Variants in CCNY observed in about 807,000 individuals in gnomAD.
CCNY encodes cyclin Y.
A neutral mutation model predicts 42.8 loss-of-function variants in CCNY; 19 were observed. The ratio of observed to expected loss-of-function variants is 0.44; its 90% confidence interval spans 0.31 to 0.65. The LOEUF (loss-of-function observed/expected upper bound fraction) is 0.65, where lower values mean the gene tolerates loss of function less well. CCNY is among the 30% of genes least tolerant of loss of function. The pLI, the probability that CCNY is intolerant of heterozygous loss-of-function variation, is 0.07. For missense variants in CCNY, 370 were observed against 437.3 expected, an observed-to-expected ratio of 0.85 and a Z score of 1.37; for synonymous variants, 165 against 162.7, an observed-to-expected ratio of 1.01 and a Z score of -0.11.
chr10:35,425,674 T>C (rs1225005086), intron 1 of CCNY, among the ~76,000 whole-genome samples: 1 of 152,166 alleles, frequency 6.6e-6, no homozygotes, highest in African/African-American at 2.4e-5. Context: ...AAATGAATGA[T>C]TTAATCTGGA....
At chr10:35,397,652 CA>C (rs1296648783) in intron 1 of CCNY, among the ~76,000 whole-genome samples, 1 of 152,128 alleles carries the variant, frequency 6.6e-6, no homozygotes, top group Admixed American at 6.5e-5. Flanking sequence ...TCCCTGGGAC[CA>C]AAGACTGAGA....
chr10:35,377,423 G>A (rs2135186127), intron 1 of CCNY, among the ~76,000 whole-genome samples: 1 of 152,230 alleles, frequency 6.6e-6, no homozygotes, highest in South Asian at 2.1e-4. Flanking sequence ...TAATATTCAG[G>A]GCATTAACAT....
intron 1 of CCNY, among the ~76,000 whole-genome samples, chr10:35,354,575 T>C (rs552575508): frequency 3.8e-4 from 58 of 152,312 alleles, no homozygotes; most frequent in African/African-American, 1.3e-3. Context: ...GGGACAGTAT[T>C]ATATTAATAC....
At chr10:35,405,423 G>T (rs11010192) in intron 1 of CCNY, among the ~76,000 whole-genome samples, 1 of 151,870 alleles carries the variant, frequency 6.6e-6, no homozygotes, top group Non-Finnish European at 1.5e-5. Context: ...AAAGGTGGCA[G>T]TGAGGTACAG....
chr10:35,411,801 G>A (rs1037483037), intron 1 of CCNY, among the ~76,000 whole-genome samples: 5 of 152,196 alleles, frequency 3.3e-5, no homozygotes, highest in African/African-American at 1.2e-4. Flanking sequence ...TGCAGTTCTA[G>A]CACCACATTT....
At chr10:35,374,035 T>A (rs190521858) in intron 1 of CCNY, among the ~76,000 whole-genome samples, 70 of 152,342 alleles carry the variant, frequency 4.6e-4, no homozygotes, top group African/African-American at 1.5e-3. Context: ...AAATGACACA[T>A]AATAAGGTGT....
intron 3 of CCNY, among the ~76,000 whole-genome samples, chr10:35,277,675 A>G (rs889353860): frequency 5.9e-5 from 9 of 152,110 alleles, no homozygotes; most frequent in Non-Finnish European, 1.2e-4. Flanking sequence ...CTCAGTCTCT[A>G]GCACCAGAGA....
intron 1 of CCNY, among the ~76,000 whole-genome samples, chr10:35,470,104 G>GGGAGAT (rs1478636057): frequency 6.6e-6 from 1 of 151,196 alleles, no homozygotes; most frequent in Non-Finnish European, 1.5e-5. Flanking sequence ...TGGAGAGACA[G>GGGAGAT]GGAGATGGAG....
intron 4 of CCNY, among the ~76,000 whole-genome samples, chr10:35,522,894 A>G (rs1754945590): frequency 6.6e-6 from 1 of 152,210 alleles, no homozygotes; most frequent in South Asian, 2.1e-4. Context: ...TGAGGCCCCC[A>G]GTGGACCCTT....
At chr10:35,481,644 C>T (rs1839672012) in intron 1 of CCNY, among the ~76,000 whole-genome samples, 1 of 152,192 alleles carries the variant, frequency 6.6e-6, no homozygotes, top group African/African-American at 2.4e-5. Context: ...GTGGGAACTG[C>T]ATGCATGATG....
intron 4 of CCNY, among the ~76,000 whole-genome samples, chr10:35,520,842 C>T (rs1840532193): frequency 6.6e-6 from 1 of 152,182 alleles, no homozygotes; most frequent in Non-Finnish European, 1.5e-5. Flanking sequence ...ACACTTTGTG[C>T]CTCTGCAGCC....
At position 35,353,468 on chromosome 10, in the gene CCNY, A is replaced by G. The variant is rs549870867; in HGVS notation, c.154+16261A>G. The stretch of plus-strand genomic sequence containing the variant: ...TTTAGAACTGTAAAAGGAATAAGCT[A>G]TTTTTGTTGAGTATGAGAAGAAGAT... On this transcript the variant is annotated intron_variant, in intron 1 of 9. Coordinates refer to ENST00000374704, the MANE Select transcript of CCNY (RefSeq NM_145012.6). 2.6e-5 allele frequency among the ~76,000 whole-genome samples: 4 copies of G among 152,328 alleles called. No homozygotes were observed. The South Asian group carries it at 8.3e-4, about 32-fold the overall frequency.
At chr10:35,397,312 C>T (rs1484281435) in intron 1 of CCNY, among the ~76,000 whole-genome samples, 1 of 152,216 alleles carries the variant, frequency 6.6e-6, no homozygotes, top group Admixed American at 6.5e-5. Context: ...ATATTTAGCA[C>T]AGTACCTGTA....
At chr10:35,498,690 G>GT (rs1262279890) in intron 2 of CCNY, among the ~76,000 whole-genome samples, 1 of 152,160 alleles carries the variant, frequency 6.6e-6, no homozygotes, top group East Asian at 1.9e-4. Flanking sequence ...CAGGTTGTTG[G>GT]TTTGGGGGCG....
chr10:35,514,827 C>T (rs1286770593), intron 3 of CCNY, among the ~76,000 whole-genome samples: 1 of 152,094 alleles, frequency 6.6e-6, no homozygotes, highest in Non-Finnish European at 1.5e-5. Flanking sequence ...TAATTACTGA[C>T]TTTTAATGTT....
At chr10:35,292,945 A>G (rs1304179569) in intron 3 of CCNY, among the ~76,000 whole-genome samples, 3 of 151,306 alleles carry the variant, frequency 2.0e-5, no homozygotes, top group Admixed American at 6.6e-5. Context: ...ACGCCTAGCT[A>G]ATTTTTGTAT....
Position 35,508,976 on chromosome 10 carries a change from G to A in CCNY, c.264+7441G>A, listed in dbSNP as rs1018297519. ...TCTATTTTGGATATTTTATATAAAT[G>A]TAATCATATAATACATGGCCTTTTG... is the stretch of plus-strand genomic sequence containing the variant. On this transcript the variant is annotated intron_variant, in intron 3 of 9. Transcript: ENST00000374704. Among the ~76,000 whole-genome samples the A allele has an allele frequency of 5.3e-5, 8 of 152,238 alleles. No individual in the cohort carries two copies. The East Asian group carries it at 1.2e-3, about 22-fold the overall frequency.
chr10:35,560,279 G>A (rs187108122), intron 8 of CCNY, among the ~76,000 whole-genome samples: 2 of 152,274 alleles, frequency 1.3e-5, no homozygotes, highest in African/African-American at 4.8e-5. Flanking sequence ...GCAGTGTTGC[G>A]GGGCTGAACT....
chr10:35,560,623 C>T (rs967618183), intron 8 of CCNY, among the ~76,000 whole-genome samples: 9 of 152,194 alleles, frequency 5.9e-5, no homozygotes, highest in African/African-American at 2.2e-4. Flanking sequence ...ATTACAGCAG[C>T]TCTTGCAAAC....
Sources: allele counts gnomAD v4.1 joint callset (sites outside exome capture counted in the v4.1 genomes callset), GRCh38; gene constraint gnomAD v4.1.1; transcripts MANE v1.5; gene names NCBI Gene and HGNC (gene_info 2026-07-23, HGNC 2026-07-21).